Variants in KCNC3 observed in about 807,000 individuals in gnomAD.
KCNC3 encodes the protein voltage-gated potassium channel KCNC3.
In KCNC3, 22 loss-of-function variants were observed where a neutral mutation model predicts 43.9. The observed-to-expected ratio is 0.50, with a 90% CI of 0.36 to 0.72. The LOEUF (loss-of-function observed/expected upper bound fraction) is 0.72. Among genes scored for constraint, KCNC3 ranks in the 30% least tolerant of loss-of-function variants. KCNC3 has a pLI of 0.00. For missense variants in KCNC3, 829 were observed against 1,073.8 expected (o/e 0.77, Z 3.19); for synonymous variants, 492 against 488.0 (o/e 1.01, Z -0.11).
At chr19:50,320,439 G>C (rs1601095236) in intron 3 of KCNC3, 90 bp from the exon 4 acceptor site, 2 of 666,298 alleles carry the variant, frequency 3.0e-6, no homozygotes, top group East Asian at 2.7e-5. Flanking sequence ...ACTTGGGGCG[G>C]GGGTACAGGG....
In KCNC3 at chr19:50,328,753, C is replaced by A; in HGVS notation, c.330G>T (p.Pro110=). Residue 110 remains proline (P), a synonymous_variant, in exon 1 of 5, where the codon CCG becomes CCT. Transcript: ENST00000477616. ...CCGTCAGGCCGGCCAGCCGCGTCCC[C>A]GGCAGGGTGCGCAGCGTCGAGCGGT... The part of the protein sequence containing the change: ...ETYRSTLRTL[P]GTRLAGLTEP... The A allele has an allele frequency of 6.3e-7, 1 of 1,591,320 alleles. No homozygotes were observed. The highest frequency in any genetic ancestry group is 2.3e-5 in the East Asian group (1 of 43,640).
At chr19:50,326,630 T>C (rs904165492) in intron 1 of KCNC3, among the ~76,000 whole-genome samples, 3 of 152,026 alleles carry the variant, frequency 2.0e-5, no homozygotes, top group Non-Finnish European at 4.4e-5. Flanking sequence ...ATCGCTCTTA[T>C]TTCCCCCATT....
At chr19:50,327,595 A>C (rs571192186) in intron 1 of KCNC3, among the ~76,000 whole-genome samples, 1 of 152,116 alleles carries the variant, frequency 6.6e-6, no homozygotes, top group African/African-American at 2.4e-5. Flanking sequence ...TCAAACTTGG[A>C]GAGAGAGGTC....
At chr19:50,316,777 GGA>G (rs946045493) in intron 4 of KCNC3, among the ~76,000 whole-genome samples, 2 of 151,668 alleles carry the variant, frequency 1.3e-5, no homozygotes, top group Non-Finnish European at 2.9e-5. Context: ...GGTTGTGGTA[GGA>G]GAGACTCTTG....
At position 50,328,852 on chromosome 19, in the gene KCNC3, C is replaced by T; in HGVS notation, c.231G>A (p.Met77Ile). The change falls in exon 1 of 5, where the codon ATG becomes ATA. Residue 77 changes from methionine (M) to isoleucine (I), a missense_variant. This residue lies in a region of KCNC3 where 121 missense variants were observed against 247.4 expected (regional missense o/e 0.49). Transcript: ENST00000477616. The stretch of plus-strand genomic sequence containing the variant: ...CGCCACCGCCGCCGCCGTGCCGCCC[C>T]ATGGCCGCCGCCGGCAGCCCGGGGC... ...EPCPGLPAAA[M>I]GRHGGGGGDS... The T allele has an allele frequency of 7.0e-7, 1 of 1,420,716 alleles. No homozygotes were observed. Among genetic ancestry groups the T allele is most frequent in the Non-Finnish European group, 9.2e-7 (1 of 1,088,496 alleles). 88.0% of individuals were successfully genotyped at this position (1,420,716 alleles called of 1,614,324 possible).
At position 50,320,622 on chromosome 19, in the gene KCNC3, G is replaced by A. The variant is rs867151040; in HGVS notation, c.2141C>T (p.Ala714Val). The A allele has an allele frequency of 1.9e-6, 3 of 1,612,480 alleles. No homozygotes were observed. Among genetic ancestry groups the A allele is most frequent in the Non-Finnish European group, 2.5e-6 (3 of 1,179,790 alleles). Residue 714 changes from alanine to valine, a missense_variant, in exon 3 of 5, where the codon GCC (alanine) becomes GTC (valine). Around this residue, in one of 7 missense-constraint regions of KCNC3, gnomAD observed 308 missense variants for 276.2 expected, o/e 1.11. Transcript: ENST00000477616. ...TCGGATGGAGCCATCAGGGGAAGGG[G>A]CATAGTCGGTGAGGAGGAAGCAGGC... ...DRACFLLTDY[A>V]PSPDGSIRKA...
chr19:50,328,609 G>A lies in KCNC3; in HGVS notation c.474C>T (p.Cys158=), dbSNP rs149504771. The change falls in exon 1 of 5, where the codon TGC becomes TGT. Residue 158 remains cysteine (C), a synonymous_variant. Coordinates refer to ENST00000477616, the MANE Select transcript of KCNC3 (RefSeq NM_004977.3). The part of the protein sequence containing the change: ...LNYYRTGKLH[C]PADVCGPLFE... Reference sequence around the variant, plus strand: ...ACAGGGGCCCGCACACGTCGGCTGGGCAGTGCAGCTTGCCGGTGCGGTAGT... The same window carrying A: ...ACAGGGGCCCGCACACGTCGGCTGGACAGTGCAGCTTGCCGGTGCGGTAGT... 7.3e-5 allele frequency: 118 copies of A among 1,611,464 alleles called. No homozygotes were observed. The African/African-American group carries it at 1.5e-3, about 20-fold the overall frequency.
Position 50,324,587 on chromosome 19 carries a change from G to A in KCNC3, c.871-505C>T, listed in dbSNP as rs751354174. Among the ~76,000 whole-genome samples the A allele has an allele frequency of 2.2e-4, 33 of 152,308 alleles. No homozygotes were observed. The highest frequency in any genetic ancestry group is 3.9e-4 in the Admixed American group (6 of 15,300). ...AGAATCGTGAGGTGGTTAAGAGTCG[G>A]CGAGCCTGGGCATGAATCTGGCTTT... is the stretch of plus-strand genomic sequence containing the variant. On this transcript the variant is annotated intron_variant, in intron 1 of 4. Coordinates refer to ENST00000477616, the MANE Select transcript of KCNC3 (RefSeq NM_004977.3). The surrounding 1 kb of genome is among the most constrained non-coding windows in gnomAD (Gnocchi z 4.1).
At position 50,323,026 on chromosome 19, in the gene KCNC3, CG is replaced by C; in HGVS notation, c.1926del (p.Gly643AlafsTer11). 1 of 1,545,868 alleles carries C rather than the reference CG, an allele frequency of 6.5e-7. No homozygotes were observed. Among genetic ancestry groups the C allele is most frequent in the Non-Finnish European group, 8.7e-7 (1 of 1,145,412 alleles). On this transcript the variant is annotated frameshift_variant, in exon 2 of 5. Transcript: ENST00000477616. LOFTEE classifies it high-confidence loss of function. ...GIMGLPPLPA[P>X]GEPCPLAQEE... ...TCCTGAGCCAACGGGCAAGGCTCGCCGGGGGCTGGCAGAGGAGGCAGCCCCA... is the reference window on the plus strand; with the variant it reads ...TCCTGAGCCAACGGGCAAGGCTCGCCGGGGCTGGCAGAGGAGGCAGCCCCA...
In KCNC3 at chr19:50,323,097, G is replaced by C; in HGVS notation, c.1856C>G (p.Thr619Arg). ...VAGAYPAGPH[T>R]HPGLLRGGAG... The stretch of plus-strand genomic sequence containing the variant: ...TCCCCCCCTGAGCAGCCCGGGGTGC[G>C]TGTGGGGCCCCGCTGGGTAGGCCCC... The change falls in exon 2 of 5, where the codon ACG becomes AGG. Residue 619 changes from threonine to arginine, a missense_variant. Physicochemically the swap from Thr to Arg is moderately conservative, Grantham distance 71. Coordinates refer to ENST00000477616, the MANE Select transcript of KCNC3 (RefSeq NM_004977.3). 6.5e-7 allele frequency: 1 copy of C among 1,539,826 alleles called. No individual in the cohort carries two copies. The highest frequency in any genetic ancestry group is 8.7e-7 in the Non-Finnish European group (1 of 1,144,556).
At chr19:50,330,637 A>G (rs2037176879), upstream of KCNC3, among the ~76,000 whole-genome samples, 1 of 151,878 alleles carries the variant, frequency 6.6e-6, no homozygotes, top group Non-Finnish European at 1.5e-5. Flanking sequence ...ACTGGTGAGG[A>G]GGGGGCACGC....
chr19:50,324,140 TA>T lies in KCNC3; in HGVS notation c.871-59del. 14 of 1,512,218 alleles carry T rather than the reference TA, an allele frequency of 9.3e-6. No homozygotes were observed. The highest frequency in any genetic ancestry group is 1.2e-5 in the Non-Finnish European group (13 of 1,127,586). The allele number at this position is 1,512,218 out of a possible 1,614,324, so 93.7% of individuals were successfully genotyped here. ...GGTGACCTAGGCATCAGGTTGGCCA[TA>T]ACATCCAGAAGACCCTTCCAGTGCC... On this transcript the variant is annotated intron_variant, in intron 1 of 4. Transcript: ENST00000477616. This position sits in a 1 kb window ranked among gnomAD's most constrained non-coding sequence, Gnocchi z 4.1.
At position 50,314,660 on chromosome 19, in the gene KCNC3, C is replaced by T. The variant is rs142928735; in HGVS notation, c.*1455G>A. 1.8e-3 allele frequency: 674 copies of T among 366,042 alleles called. 5 individuals are homozygous for T. Among genetic ancestry groups the T allele is most frequent in the Middle Eastern group, 7.8e-3 (8 of 1,032 alleles). The allele number at this position is 366,042 out of a possible 1,614,324, so 22.7% of individuals were successfully genotyped here. A position where few individuals can be genotyped will look rare whatever the true frequency, so the allele number is the denominator to read the frequency against. On this transcript the variant is annotated 3_prime_UTR_variant, in exon 5 of 5. Coordinates refer to ENST00000477616, the MANE Select transcript of KCNC3 (RefSeq NM_004977.3). Reference sequence around the variant, plus strand: ...AGAGTTGGGGGGACGGGCTGTGGCCCCTCTCTCCATCCTGGGGGCCCAGGT... The same window carrying T: ...AGAGTTGGGGGGACGGGCTGTGGCCTCTCTCTCCATCCTGGGGGCCCAGGT...
chr19:50,328,321 G>A lies in KCNC3; in HGVS notation c.762C>T (p.Ala254=), dbSNP rs2123545365. Residue 254 remains alanine (A), a synonymous_variant, in exon 1 of 5, where the codon GCC becomes GCT. Coordinates refer to ENST00000477616, the MANE Select transcript of KCNC3 (RefSeq NM_004977.3). The part of the protein sequence containing the change: ...RLCFQDAGGG[A]GGPPGGAGGA... Reference sequence around the variant, plus strand: ...CGCCCGCGCCCCCTGGCGGCCCCCCGGCGCCGCCGCCCGCGTCCTGGAAGC... The same window carrying A: ...CGCCCGCGCCCCCTGGCGGCCCCCCAGCGCCGCCGCCCGCGTCCTGGAAGC... 3 of 1,134,682 alleles carry A rather than the reference G, an allele frequency of 2.6e-6. No homozygotes were observed. Among genetic ancestry groups the A allele is most frequent in the African/African-American group, 1.7e-5 (1 of 60,550 alleles). The allele number at this position is 1,134,682 out of a possible 1,614,324, so 70.3% of individuals were successfully genotyped here.
intron 4 of KCNC3, among the ~76,000 whole-genome samples, chr19:50,317,821 G>A (rs1258288281): frequency 6.6e-6 from 1 of 152,202 alleles, no homozygotes; most frequent in Non-Finnish European, 1.5e-5. Context: ...CCCAGAGATG[G>A]GGTCTTACTC....
intron 3 of KCNC3, 79 bp downstream of exon 3, chr19:50,320,514 C>T: frequency 1.4e-6 from 2 of 1,396,582 alleles, no homozygotes; most frequent in Non-Finnish European, 2.0e-6. Flanking sequence ...CGCCTCCTCC[C>T]CCATCCCCCT....
At position 50,323,249 on chromosome 19, in the gene KCNC3, T is replaced by C. The variant is rs773708847; in HGVS notation, c.1704A>G (p.Gln568=). Residue 568 remains glutamine (Q), a synonymous_variant, in exon 2 of 5, where the codon CAA becomes CAG. Transcript: ENST00000477616. ...KKNKHIPRPP[Q]PGSPNYCKPD... is the part of the protein sequence containing the mutation. ...GCTTGCAGTAGTTGGGCGAGCCCGGTTGCGGGGGCCGGGGGATGTGTTTGT... is the reference window on the plus strand; with the variant it reads ...GCTTGCAGTAGTTGGGCGAGCCCGGCTGCGGGGGCCGGGGGATGTGTTTGT... 6.3e-7 allele frequency: 1 copy of C among 1,599,566 alleles called. No homozygotes were observed. Among genetic ancestry groups the C allele is most frequent in the Non-Finnish European group, 8.5e-7 (1 of 1,178,430 alleles).
In KCNC3 at chr19:50,323,950, C is replaced by T; in HGVS notation, c.1003G>A (p.Glu335Lys). Residue 335 changes from glutamate to lysine, a missense_variant, in exon 2 of 5, where the codon GAG becomes AAG. Coordinates refer to ENST00000477616, the MANE Select transcript of KCNC3 (RefSeq NM_004977.3). ...QASPIPGAPP[E>K]NITNVEVETE... ...TCCACCTCCACGTTGGTGATGTTCT[C>T]CGGAGGTGCCCCGGGGATCGGGGAG... 1 of 1,613,908 alleles carries T rather than the reference C, an allele frequency of 6.2e-7. No individual in the cohort carries two copies. Among genetic ancestry groups the T allele is most frequent in the Non-Finnish European group, 8.5e-7 (1 of 1,179,764 alleles).
chr19:50,321,756 T>G (rs1601096567), intron 2 of KCNC3, among the ~76,000 whole-genome samples: 1 of 148,548 alleles, frequency 6.7e-6, no homozygotes, highest in African/African-American at 2.5e-5. Context: ...GGAGACAGAG[T>G]GAGACTCCGT....
Sources: allele counts gnomAD v4.1 joint callset (sites outside exome capture counted in the v4.1 genomes callset), GRCh38; gene constraint gnomAD v4.1.1; regional missense constraint gnomAD v4.1.1; non-coding constraint Gnocchi (gnomAD v3.1); transcripts MANE v1.5; gene names NCBI Gene and HGNC (gene_info 2026-07-23, HGNC 2026-07-21).